Variants in MEA1 observed in about 807,000 individuals in gnomAD.
MEA1 encodes the protein Male-enhanced antigen (H-Y structural gene).
A neutral mutation model predicts 21.4 loss-of-function variants in MEA1; 22 were observed. The ratio of observed to expected loss-of-function variants is 1.03; its 90% CI spans 0.73 to 1.47. MEA1 has a LOEUF of 1.47. MEA1 is among the 40% of genes most tolerant of loss of function. The pLI, the probability that MEA1 is intolerant of heterozygous loss-of-function variation, is 0.00. For synonymous variants in MEA1, 91 were observed against 85.5 expected (o/e 1.06, Z -0.35); for missense variants, 233 against 230.5 (o/e 1.01, Z -0.07).
Position 43,013,069 on chromosome 6 carries a change from G to A in MEA1, c.304-41C>T, listed in dbSNP as rs368338625. 23 of 1,613,928 alleles carry A rather than the reference G, an allele frequency of 1.4e-5. No individual in the cohort carries two copies. In the African/African-American group the frequency reaches 2.1e-4, roughly 15 times the overall value. ...AGACCGTTTGGGTCTAGGCTTTCAG[G>A]GAGCCCAGCTTCACCTGTTCAGGAA... On this transcript the variant is annotated intron_variant, in intron 2 of 3. Coordinates refer to ENST00000244711, the MANE Select transcript of MEA1 (RefSeq NM_014623.4).
At chr6:43,014,203 G>T, upstream of MEA1, 1 of 1,308,568 alleles carries the variant, frequency 7.6e-7, no homozygotes, top group African/African-American at 1.5e-5. Flanking sequence ...AGCTACGACT[G>T]CACGTGCGCG....
Position 43,012,546 on chromosome 6 carries a change from TC to T in MEA1, c.481del (p.Glu161ArgfsTer45). On this transcript the variant is annotated frameshift_variant, in exon 4 of 4. Coordinates refer to ENST00000244711, the MANE Select transcript of MEA1 (RefSeq NM_014623.4). LOFTEE classifies it high-confidence loss of function. ...ATCTTCCCACTGGGCATCCGATATC[TC>T]CCGAGCCCAGGCAGGAACCCCTGGC... ...PAPGVPAWAR[E>X]ISDAQWEDVV... is the part of the protein sequence containing the mutation. 1 of 1,612,754 alleles carries T rather than the reference TC, an allele frequency of 6.2e-7. No individual in the cohort carries two copies. The highest frequency in any genetic ancestry group is 1.3e-5 in the African/African-American group (1 of 74,760).
Position 43,012,351 on chromosome 6 carries a change from T to A in MEA1, c.*119A>T. 6.8e-7 allele frequency: 1 copy of A among 1,481,394 alleles called. No homozygotes were observed. Among genetic ancestry groups the A allele is most frequent in the Non-Finnish European group, 9.0e-7 (1 of 1,115,540 alleles). 91.8% of individuals were successfully genotyped at this position (1,481,394 alleles called of 1,614,324 possible). On this transcript the variant is annotated 3_prime_UTR_variant, in exon 4 of 4. Coordinates refer to ENST00000244711, the MANE Select transcript of MEA1 (RefSeq NM_014623.4). The stretch of plus-strand genomic sequence containing the variant: ...AAGTGGGTCTCTGAGAAGTCTGATG[T>A]GCCTTGATGTGGAAAGGGAGACGGG...
At chr6:43,014,374 A>AG (rs1762503539), upstream of MEA1, 1 of 485,726 alleles carries the variant, frequency 2.1e-6, no homozygotes, top group Non-Finnish European at 3.9e-6. Context: ...TAGAAGGGCA[A>AG]GGGAGAATTA....
upstream of MEA1, chr6:43,014,677 A>G: frequency 2.2e-6 from 1 of 455,274 alleles, no homozygotes; most frequent in Non-Finnish European, 4.4e-6. Context: ...CTGGAAGAAG[A>G]CAGGGATAGA....
At chr6:43,012,790 G>T in intron 3 of MEA1, 136 bp downstream of exon 3, 1 of 1,208,196 alleles carries the variant, frequency 8.3e-7, no homozygotes, top group African/African-American at 1.5e-5. Flanking sequence ...CATTTCACTT[G>T]GACTCTGAAG....
chr6:43,014,471 GA>G (rs1275170593), upstream of MEA1: 1 of 521,326 alleles, frequency 1.9e-6, no homozygotes, highest in Admixed American at 2.3e-5. Context: ...GAGCTAGGGG[GA>G]TGATGGGAAA....
Position 43,013,324 on chromosome 6 carries a change from T to C in MEA1, c.94A>G (p.Asn32Asp), listed in dbSNP as rs1262361997. 1 of 1,614,104 alleles carries C rather than the reference T, an allele frequency of 6.2e-7. No homozygotes were observed. Among genetic ancestry groups the C allele is most frequent in the East Asian group, 2.2e-5 (1 of 44,882 alleles). The change falls in exon 2 of 4, where the codon AAT (asparagine) becomes GAT (aspartate). Residue 32 changes from asparagine (N) to aspartate (D), a missense_variant. By Grantham distance (23) the Asn-to-Asp change is conservative. Transcript: ENST00000244711. ...TGATGTCCCAGTTCCTCAGTCTGAT[T>C]GGGGAAGATACGCTCAGGGCCCATG... is the stretch of plus-strand genomic sequence containing the variant. The part of the protein sequence containing the change: ...DTMGPERIFP[N>D]QTEELGHQGP...
At chr6:43,016,196 G>T (rs1762568393), upstream of MEA1, among the ~76,000 whole-genome samples, 1 of 152,052 alleles carries the variant, frequency 6.6e-6, no homozygotes, top group Non-Finnish European at 1.5e-5. Flanking sequence ...GCCTCTCAGG[G>T]TGCTGGGATT....
In MEA1 at chr6:43,013,204, G is replaced by A; in HGVS notation, c.214C>T (p.Pro72Ser). The change falls in exon 2 of 4, where the codon CCC becomes TCC. Residue 72 changes from proline to serine, a missense_variant. Physicochemically the swap from Pro to Ser is moderately conservative, Grantham distance 74. Coordinates refer to ENST00000244711, the MANE Select transcript of MEA1 (RefSeq NM_014623.4). ...TCTTGTTCAGGATCTTGGTTCAGGG[G>A]CTGGTAGGAGTAGCCAGCTGGGCCC... ...GSGPAGYSYQ[P>S]LNQDPEQEEV... 6.2e-7 allele frequency: 1 copy of A among 1,614,142 alleles called. No individual in the cohort carries two copies. Among genetic ancestry groups the A allele is most frequent in the Non-Finnish European group, 8.5e-7 (1 of 1,180,028 alleles).
chr6:43,013,992 C>T (rs1762487349), upstream of MEA1: 1 of 1,428,432 alleles, frequency 7.0e-7, no homozygotes, highest in South Asian at 1.5e-5. Flanking sequence ...TTGACGCTGG[C>T]GAGGACGAGG....
chr6:43,013,995 G>A (rs1762487575), upstream of MEA1: 4 of 1,423,022 alleles, frequency 2.8e-6, no homozygotes, highest in Admixed American at 3.0e-5. Flanking sequence ...ACGCTGGCGA[G>A]GACGAGGAGT....
At chr6:43,014,257 C>T (rs906951096), upstream of MEA1, 4 of 964,980 alleles carry the variant, frequency 4.1e-6, no homozygotes, top group South Asian at 1.8e-5. Context: ...GTGTTTATCT[C>T]GTTGGGGACT....
At chr6:43,014,792 G>A (rs192504851), upstream of MEA1, among the ~76,000 whole-genome samples, 383 of 152,186 alleles carry the variant, frequency 2.5e-3, 4 homozygotes, top group African/African-American at 8.4e-3. Flanking sequence ...AATGGTAGGA[G>A]AAGGAAAAAT....
At chr6:43,016,016 A>G (rs578074548), upstream of MEA1, among the ~76,000 whole-genome samples, 3 of 148,754 alleles carry the variant, frequency 2.0e-5, no homozygotes, top group Non-Finnish European at 4.5e-5. Context: ...GCTCACTCCA[A>G]CCTCCGCCAC....
chr6:43,015,921 A>AT (rs1762560363), upstream of MEA1, among the ~76,000 whole-genome samples: 1 of 147,290 alleles, frequency 6.8e-6, no homozygotes, highest in East Asian at 2.0e-4. Flanking sequence ...GCCCAAGGGC[A>AT]TTTTTTGCCT....
rs1253901614 is a variant in MEA1, at chr6:43,012,414, A to G, written c.*56T>C. On this transcript the variant is annotated 3_prime_UTR_variant, in exon 4 of 4. Transcript: ENST00000244711. ...GGACATTACAACCAGGGATGTGTTC[A>G]GTCCTGTGCTGGTTCTGGCCTGGAA... 1.3e-6 allele frequency: 2 copies of G among 1,520,440 alleles called. No homozygotes were observed. The highest frequency in any genetic ancestry group is 1.4e-5 in the African/African-American group (1 of 71,600). The allele number at this position is 1,520,440 out of a possible 1,614,324, so 94.2% of individuals were successfully genotyped here.
upstream of MEA1, chr6:43,014,415 A>T (rs1276433660): frequency 1.7e-4 from 54 of 325,308 alleles, no homozygotes; most frequent in Non-Finnish European, 2.3e-4. Context: ...CTGGAGCTGG[A>T]GTGGCGGGGG....
rs1341357396 is a variant in MEA1, at chr6:43,011,376, G to C, written c.*1094C>G. On this transcript the variant is annotated 3_prime_UTR_variant, in exon 4 of 4. Coordinates refer to ENST00000244711, the MANE Select transcript of MEA1 (RefSeq NM_014623.4). The stretch of plus-strand genomic sequence containing the variant: ...TACTCTGCTCCCTACTGGCTGTCTT[G>C]GGGGAAGGCAGCGCCTCTCTAGCTA... 1.3e-6 allele frequency: 2 copies of C among 1,536,610 alleles called. No homozygotes were observed. The highest frequency in any genetic ancestry group is 4.6e-5 in the East Asian group (2 of 43,618).
Sources: allele counts gnomAD v4.1 joint callset (sites outside exome capture counted in the v4.1 genomes callset), GRCh38; gene constraint gnomAD v4.1.1; transcripts MANE v1.5; gene names NCBI Gene and HGNC (gene_info 2026-07-23, HGNC 2026-07-21).